Variants in METTL25 observed in about 807,000 individuals in gnomAD.
METTL25 encodes probable methyltransferase-like protein 25.
A neutral mutation model predicts 71.6 loss-of-function variants in METTL25; 64 were observed. The ratio of observed to expected loss-of-function variants is 0.89; its 90% CI spans 0.73 to 1.10. The LOEUF is 1.10. Ranked by LOEUF, METTL25 falls within the 50% of genes least tolerant of loss-of-function variation. The pLI, the probability that METTL25 is intolerant of heterozygous loss-of-function variation, is 0.00. For missense variants in METTL25, 807 were observed against 707.0 expected (o/e 1.14, Z -1.60); for synonymous variants, 287 against 250.3 (o/e 1.15, Z -1.38).
chr12:82,422,869 A>G (rs1484464033), intron 5 of METTL25, among the ~76,000 whole-genome samples: 2 of 152,190 alleles, frequency 1.3e-5, no homozygotes, highest in African/African-American at 4.8e-5. Flanking sequence ...TAGGAGAACT[A>G]CAAACCACTG....
intron 1 of METTL25, among the ~76,000 whole-genome samples, chr12:82,379,175 G>A (rs922057369): frequency 1.4e-4 from 21 of 152,244 alleles, no homozygotes; most frequent in African/African-American, 4.8e-4. Context: ...AGTGACTAAG[G>A]TAGTGACATT....
chr12:82,449,366 T>C (rs1382971314), intron 8 of METTL25, among the ~76,000 whole-genome samples: 1 of 152,208 alleles, frequency 6.6e-6, no homozygotes, highest in Non-Finnish European at 1.5e-5. Context: ...TCCAGCCTAA[T>C]CCATCATCCC....
chr12:82,384,035 AAAGT>A (rs1485079319), intron 1 of METTL25, among the ~76,000 whole-genome samples: 1 of 152,180 alleles, frequency 6.6e-6, no homozygotes, highest in Non-Finnish European at 1.5e-5. Flanking sequence ...GGGTACATAA[AAAGT>A]AAGAGTAAGT....
At chr12:82,469,347 A>G (rs1892434699) in intron 9 of METTL25, among the ~76,000 whole-genome samples, 1 of 152,066 alleles carries the variant, frequency 6.6e-6, no homozygotes, top group South Asian at 2.1e-4. Flanking sequence ...GGTTTAATTG[A>G]CTCACAGTTC....
At chr12:82,413,975 T>G (rs1887759646) in intron 5 of METTL25, among the ~76,000 whole-genome samples, 1 of 151,328 alleles carries the variant, frequency 6.6e-6, no homozygotes, top group Non-Finnish European at 1.5e-5. Context: ...AATAAAAAAT[T>G]TATAACAAAT....
intron 1 of METTL25, among the ~76,000 whole-genome samples, chr12:82,368,009 A>T (rs1882759319): frequency 6.6e-6 from 1 of 152,192 alleles, no homozygotes; most frequent in Admixed American, 6.5e-5. Context: ...CCATAAAAGT[A>T]AATGAGATAT....
At chr12:82,361,564 C>A (rs1315412771) in intron 1 of METTL25, among the ~76,000 whole-genome samples, 1 of 152,178 alleles carries the variant, frequency 6.6e-6, no homozygotes, top group Non-Finnish European at 1.5e-5. Context: ...CCCTGCCCCG[C>A]AGGGAGGCAG....
Position 82,386,916 on chromosome 12 carries a change from C to T in METTL25, c.373C>T (p.Pro125Ser). 1 of 1,613,356 alleles carries T rather than the reference C, an allele frequency of 6.2e-7. No homozygotes were observed. Among genetic ancestry groups the T allele is most frequent in the South Asian group, 1.1e-5 (1 of 91,034 alleles). The change falls in exon 2 of 12, where the codon CCT (proline) becomes TCT (serine). Residue 125 changes from proline to serine, a missense_variant. Coordinates refer to ENST00000248306, the MANE Select transcript of METTL25 (RefSeq NM_032230.3). ...TGTACAAAACTTGGGAATATGTACTCCTTTTGAACAGTTGCTTGTAGCCCT... is the reference window on the plus strand; with the variant it reads ...TGTACAAAACTTGGGAATATGTACTTCTTTTGAACAGTTGCTTGTAGCCCT... ...YSVQNLGICT[P>S]FEQLLVALRG...
chr12:82,427,263 G>T (rs77640484), intron 5 of METTL25, among the ~76,000 whole-genome samples: 7 of 151,822 alleles, frequency 4.6e-5, no homozygotes, highest in African/African-American at 1.7e-4. Context: ...ATTGCTAATC[G>T]TAGACTGTGT....
intron 4 of METTL25, among the ~76,000 whole-genome samples, chr12:82,400,248 C>T (rs1886483112): frequency 6.6e-6 from 1 of 151,860 alleles, no homozygotes; most frequent in Non-Finnish European, 1.5e-5. Context: ...AGGAGAATGG[C>T]ATGAACCCTG....
At chr12:82,399,537 A>G in intron 4 of METTL25, 143 bp downstream of exon 4, 1 of 680,582 alleles carries the variant, frequency 1.5e-6, no homozygotes, top group Non-Finnish European at 2.4e-6. Context: ...GGCTTTCATT[A>G]TTCCCACACC....
intron 1 of METTL25, among the ~76,000 whole-genome samples, chr12:82,379,982 A>G (rs1475689865): frequency 6.6e-6 from 1 of 152,166 alleles, no homozygotes; most frequent in African/African-American, 2.4e-5. Context: ...GTAGCCTGTA[A>G]GATGTTCTGG....
intron 5 of METTL25, among the ~76,000 whole-genome samples, chr12:82,424,264 T>TG (rs1394017530): frequency 6.6e-6 from 1 of 152,112 alleles, no homozygotes; most frequent in Non-Finnish European, 1.5e-5. Context: ...GAAACCATCA[T>TG]TCTCAGCAAA....
chr12:82,432,414 T>TA (rs1330835483), intron 6 of METTL25, among the ~76,000 whole-genome samples: 50 of 151,528 alleles, frequency 3.3e-4, no homozygotes, highest in African/African-American at 1.2e-3. Context: ...AAAATGCTCA[T>TA]AGCCAGTGTT....
intron 11 of METTL25, among the ~76,000 whole-genome samples, chr12:82,478,289 G>T (rs1892993318): frequency 6.6e-6 from 1 of 151,522 alleles, no homozygotes; most frequent in Non-Finnish European, 1.5e-5. Flanking sequence ...AAGATTAATA[G>T]GTTGTAATGA....
chr12:82,408,498 G>T (rs185846316), intron 5 of METTL25, among the ~76,000 whole-genome samples: 4 of 152,092 alleles, frequency 2.6e-5, no homozygotes, highest in African/African-American at 9.6e-5. Context: ...ACAAATTCAA[G>T]GAGAAAAATC....
Position 82,386,275 on chromosome 12 carries a change from A to T in METTL25, c.260-528A>T, listed in dbSNP as rs1346725638. ...CAGGGACATTTATATACCACTGGGG[A>T]TATTACCATTGTTCCTCATGCACTG... On this transcript the variant is annotated intron_variant, in intron 1 of 11. Transcript: ENST00000248306. 2.6e-5 allele frequency among the ~76,000 whole-genome samples: 4 copies of T among 152,112 alleles called. No individual in the cohort carries two copies. In the East Asian group the frequency reaches 5.8e-4, roughly 22 times the overall value.
At chr12:82,358,881 C>G (rs185942860) in intron 1 of METTL25, 57 bp downstream of exon 1, 5 of 1,540,120 alleles carry the variant, frequency 3.2e-6, no homozygotes, top group South Asian at 1.2e-5. Flanking sequence ...TCCCGGCAGA[C>G]GAAGCGAGCC....
chr12:82,467,536 G>A (rs914236606), intron 9 of METTL25, among the ~76,000 whole-genome samples: 3 of 152,004 alleles, frequency 2.0e-5, no homozygotes, highest in African/African-American at 7.2e-5. Context: ...TCTGAAAGAT[G>A]GCTTTTCTGG....
Sources: gnomAD v4.1 joint callset for allele counts (sites outside exome capture counted in the v4.1 genomes callset) on GRCh38, gnomAD v4.1.1 for gene constraint, MANE v1.5 for transcripts, NCBI Gene and HGNC (gene_info 2026-07-23, HGNC 2026-07-21) for gene names.